Variants in SASH1 observed in about 807,000 individuals in gnomAD.
SASH1 encodes the protein SAM and SH3 domain containing 1.
In SASH1, 44 loss-of-function variants were observed where a neutral mutation model predicts 125.2. That is an observed-to-expected ratio of 0.35 (90% CI 0.28 to 0.45). The LOEUF (loss-of-function observed/expected upper bound fraction) is 0.45. Among genes scored for constraint, SASH1 ranks in the 20% least tolerant of loss-of-function variants. The probability of loss-of-function intolerance (pLI) is 1.00; values close to 1 mark genes in which losing one functional copy is unlikely to be tolerated. For missense variants in SASH1, 1,426 were observed against 1,614.5 expected (o/e 0.88, Z 2.00); for synonymous variants, 639 against 649.1 (o/e 0.98, Z 0.24).
chr6:148,545,282 C>A (rs1034443575), intron 18 of SASH1, among the ~76,000 whole-genome samples: 1 of 152,164 alleles, frequency 6.6e-6, no homozygotes, highest in Non-Finnish European at 1.5e-5. Context: ...CTAACAGATA[C>A]AGCAGTACTT....
At chr6:148,472,167 G>T (rs577041991) in intron 6 of SASH1, among the ~76,000 whole-genome samples, 1 of 152,176 alleles carries the variant, frequency 6.6e-6, no homozygotes, top group African/African-American at 2.4e-5. Context: ...AGCTGAATGA[G>T]GTTATCAGTA....
At chr6:148,208,152 A>G in the SASH1 span, among the ~76,000 whole-genome samples, 2 of 152,152 alleles carry the variant, frequency 1.3e-5, no homozygotes, top group Admixed American at 1.3e-4. Context: ...GGACGGCAAC[A>G]TGATATGGAG....
At chr6:148,253,963 C>T in the SASH1 span, among the ~76,000 whole-genome samples, 6 of 151,896 alleles carry the variant, frequency 4.0e-5, no homozygotes, top group Middle Eastern at 3.4e-3. Context: ...CCTAGCACTT[C>T]GGCAGGTCAA....
chr6:148,311,558 C>T (rs183818361), intron 1 of SASH1, among the ~76,000 whole-genome samples: 38 of 152,256 alleles, frequency 2.5e-4, no homozygotes, highest in African/African-American at 8.9e-4. Flanking sequence ...AATCCCAACA[C>T]TTTGGGAGGC....
chr6:148,286,739 CTT>C (rs1270738773), intron 1 of SASH1, among the ~76,000 whole-genome samples: 1 of 152,190 alleles, frequency 6.6e-6, no homozygotes, highest in African/African-American at 2.4e-5. Flanking sequence ...TTAATTACCT[CTT>C]TTAAAACTCT....
At chr6:148,481,765 A>G (rs972005048) in intron 7 of SASH1, among the ~76,000 whole-genome samples, 3 of 152,172 alleles carry the variant, frequency 2.0e-5, no homozygotes, top group Non-Finnish European at 4.4e-5. Context: ...AAGGTCACGG[A>G]TCACAGGTCA....
In SASH1 at chr6:148,334,379, G is replaced by A. The variant is rs553705440; in HGVS notation, n.75-55755G>A. Among the ~76,000 whole-genome samples the A allele has an allele frequency of 7.3e-3, 973 of 132,656 alleles. 13 individuals carry two copies. The highest frequency in any genetic ancestry group is 0.025 in the African/African-American group (901 of 35,458). The allele number at this position is 132,656 out of a possible 152,430, so 87.0% of individuals were successfully genotyped here. A position where few individuals can be genotyped will look rare whatever the true frequency, so the allele number is the denominator to read the frequency against. ...GGAGGCGGAGCTTGCAGTGAGCCGA[G>A]ATTGCGCCACTGCACTCCCGCCTGG... is the stretch of plus-strand genomic sequence containing the variant. On this transcript the variant is annotated intron_variant and non_coding_transcript_variant, in intron 1 of 3. Coordinates refer to the SASH1 transcript ENST00000367469.
intron 19 of SASH1, 39 bp downstream of exon 19, chr6:148,546,185 T>G (rs538304188): frequency 1.9e-6 from 3 of 1,605,806 alleles, no homozygotes; most frequent in African/African-American, 2.7e-5. Context: ...TGAGGCACAT[T>G]TAGTGATCAC....
chr6:148,338,539 C>T (rs1327147766), upstream of SASH1, among the ~76,000 whole-genome samples: 1 of 152,154 alleles, frequency 6.6e-6, no homozygotes, highest in Admixed American at 6.5e-5. Context: ...CCTACTTCCT[C>T]ATCTGTAAAA....
intron 1 of SASH1, among the ~76,000 whole-genome samples, chr6:148,356,752 C>G (rs980871358): frequency 6.6e-6 from 1 of 152,174 alleles, no homozygotes; most frequent in African/African-American, 2.4e-5. Flanking sequence ...CCACGCCTGG[C>G]CTACTTTTAG....
At chr6:148,209,699 A>G in the SASH1 span, among the ~76,000 whole-genome samples, 2 of 152,146 alleles carry the variant, frequency 1.3e-5, no homozygotes, top group African/African-American at 4.8e-5. Flanking sequence ...GGAGAAATGC[A>G]TTTTAGCACC....
At chr6:148,403,003 T>C (rs1784236557) in intron 2 of SASH1, among the ~76,000 whole-genome samples, 1 of 152,138 alleles carries the variant, frequency 6.6e-6, no homozygotes, top group Admixed American at 6.5e-5. Context: ...TTATTATTTA[T>C]AGTAGAGATA....
At chr6:148,460,459 A>G (rs994449435) in intron 4 of SASH1, among the ~76,000 whole-genome samples, 4 of 152,202 alleles carry the variant, frequency 2.6e-5, no homozygotes, top group Admixed American at 6.5e-5. Flanking sequence ...TAAAGATTAG[A>G]TGGTATTACT....
the SASH1 span, among the ~76,000 whole-genome samples, chr6:148,206,883 C>T: frequency 1.3e-5 from 2 of 151,890 alleles, no homozygotes; most frequent in Non-Finnish European, 2.9e-5. Context: ...GTTCATGTTC[C>T]ACCCAGCTCC....
intron 8 of SASH1, among the ~76,000 whole-genome samples, chr6:148,496,768 A>G (rs1404072160): frequency 1.3e-5 from 2 of 152,062 alleles, no homozygotes; most frequent in African/African-American, 2.4e-5. Context: ...AGCTACTCAG[A>G]AGGCTGAGTC....
intron 2 of SASH1, among the ~76,000 whole-genome samples, chr6:148,430,303 G>A (rs1306974220): frequency 6.6e-6 from 1 of 152,152 alleles, no homozygotes; most frequent in African/African-American, 2.4e-5. Context: ...ACTTCATCCT[G>A]TCAGTATTGT....
At chr6:148,337,123 A>G (rs1220919317) in intron 1 of SASH1, among the ~76,000 whole-genome samples, 1 of 152,106 alleles carries the variant, frequency 6.6e-6, no homozygotes, top group Non-Finnish European at 1.5e-5. Flanking sequence ...CAATGGTGCA[A>G]TCTCGGCTCA....
chr6:148,464,684 A>T (rs1009091772), intron 4 of SASH1, among the ~76,000 whole-genome samples: 1 of 152,144 alleles, frequency 6.6e-6, no homozygotes, highest in African/African-American at 2.4e-5. Context: ...GAGAAAGGAG[A>T]TGGCATTTTG....
At chr6:148,416,792 C>G (rs956379524) in intron 2 of SASH1, among the ~76,000 whole-genome samples, 1 of 152,192 alleles carries the variant, frequency 6.6e-6, no homozygotes, top group Non-Finnish European at 1.5e-5. Flanking sequence ...TTCTTAGCAA[C>G]CTTGGGTTTT....
Sources: allele counts gnomAD v4.1 joint callset (sites outside exome capture counted in the v4.1 genomes callset), GRCh38; gene constraint gnomAD v4.1.1; transcripts MANE v1.5; gene names NCBI Gene and HGNC (gene_info 2026-07-23, HGNC 2026-07-21).